LRMDA: variants seen among roughly 807,000 people sequenced by gnomAD.
LRMDA encodes leucine rich melanocyte differentiation associated.
LRMDA carries 18 observed loss-of-function variants against 29.8 expected under a neutral mutation model. The ratio of observed to expected loss-of-function variants is 0.60; its 90% CI spans 0.42 to 0.90. The LOEUF (loss-of-function observed/expected upper bound fraction) is 0.90. LRMDA is among the 40% of genes least tolerant of loss of function. The pLI is 0.00. For missense variants in LRMDA, 273 were observed against 273.9 expected, an observed-to-expected ratio of 1.00 and a Z score of 0.02; for synonymous variants, 125 against 109.4, an observed-to-expected ratio of 1.14 and a Z score of -0.89.
intron 2 of LRMDA, among the ~76,000 whole-genome samples, chr10:75,804,216 A>G (rs185274007): frequency 6.6e-6 from 1 of 152,338 alleles, no homozygotes; most frequent in East Asian, 1.9e-4. Context: ...TGGGTGTTAG[A>G]TGCTAAGAGT....
At chr10:75,993,255 C>G (rs1250114935) in intron 2 of LRMDA, among the ~76,000 whole-genome samples, 2 of 152,156 alleles carry the variant, frequency 1.3e-5, no homozygotes, top group African/African-American at 4.8e-5. Context: ...AAGGATTTCA[C>G]TTCTCCCCAA....
chr10:75,669,067 C>T (rs1175120610), intron 2 of LRMDA, among the ~76,000 whole-genome samples: 2 of 152,200 alleles, frequency 1.3e-5, no homozygotes, highest in Admixed American at 6.5e-5. Context: ...TGATACATGG[C>T]AAGTTGTCAG....
chr10:76,310,117 C>T (rs551487921), intron 5 of LRMDA, among the ~76,000 whole-genome samples: 2 of 152,262 alleles, frequency 1.3e-5, no homozygotes, highest in African/African-American at 4.8e-5. Flanking sequence ...TGCACAGTTA[C>T]ACCTTATCTA....
chr10:76,177,974 C>T (rs1477530155), intron 5 of LRMDA, among the ~76,000 whole-genome samples: 1 of 152,222 alleles, frequency 6.6e-6, no homozygotes, highest in African/African-American at 2.4e-5. Context: ...TTTGCTCCCC[C>T]ATGCTGCTTA....
chr10:76,120,160 A>G (rs1589336025), intron 5 of LRMDA, among the ~76,000 whole-genome samples: 2 of 148,604 alleles, frequency 1.3e-5, no homozygotes, highest in Non-Finnish European at 3.0e-5. Context: ...CCATTTGTAC[A>G]TTGGTGACAT....
chr10:76,036,638 TGTG>T (rs1464176552), intron 3 of LRMDA, among the ~76,000 whole-genome samples: 2 of 152,126 alleles, frequency 1.3e-5, no homozygotes, highest in African/African-American at 4.8e-5. Flanking sequence ...GGCAGAGACA[TGTG>T]AAGCCCAGGC....
At chr10:75,646,053 C>A (rs1176942676) in intron 2 of LRMDA, among the ~76,000 whole-genome samples, 1 of 151,314 alleles carries the variant, frequency 6.6e-6, no homozygotes, top group Non-Finnish European at 1.5e-5. Flanking sequence ...CACCTCCATC[C>A]TCACCCCCAT....
chr10:75,928,467 A>T (rs1403324621), intron 2 of LRMDA, among the ~76,000 whole-genome samples: 1 of 152,062 alleles, frequency 6.6e-6, no homozygotes, highest in African/African-American at 2.4e-5. Context: ...TTTGGCAACC[A>T]CGCTTCTTCC....
At chr10:76,439,359 T>G (rs1177350455) in intron 6 of LRMDA, among the ~76,000 whole-genome samples, 1 of 152,168 alleles carries the variant, frequency 6.6e-6, no homozygotes, top group East Asian at 1.9e-4. Flanking sequence ...TTGCCATTAG[T>G]TTTGCTAATT....
chr10:75,787,763 C>T (rs1490950087), intron 2 of LRMDA, among the ~76,000 whole-genome samples: 1 of 152,238 alleles, frequency 6.6e-6, no homozygotes, highest in Non-Finnish European at 1.5e-5. Flanking sequence ...GGCGAGGTGG[C>T]TTGCGCCTGT....
chr10:75,847,776 A>AATCAAAG (rs1844665815), intron 2 of LRMDA, among the ~76,000 whole-genome samples: 1 of 152,198 alleles, frequency 6.6e-6, no homozygotes, highest in Non-Finnish European at 1.5e-5. Context: ...ATAAGGGGAA[A>AATCAAAG]ATCAAAGAAG....
chr10:75,687,234 A>G (rs777336511), intron 2 of LRMDA, among the ~76,000 whole-genome samples: 10 of 152,260 alleles, frequency 6.6e-5, no homozygotes, highest in Non-Finnish European at 1.5e-4. Flanking sequence ...AAAAGCCAAG[A>G]CAGTCCAACA....
intron 6 of LRMDA, among the ~76,000 whole-genome samples, chr10:76,510,277 G>A (rs758817077): frequency 2.0e-5 from 3 of 152,094 alleles, no homozygotes; most frequent in Non-Finnish European, 4.4e-5. Flanking sequence ...CACCAAGTTA[G>A]CCAGGCTGTT....
In LRMDA at chr10:76,559,457, C is replaced by T. The variant is rs1021801315; in HGVS notation, c.*2169C>T. ...ATTATAAATTACCTAAAGGCCATCA[C>T]TAAGGTATATTCATCTTATTGATAG... On this transcript the variant is annotated 3_prime_UTR_variant, in exon 7 of 7. Transcript: ENST00000611255. 2 of 152,180 alleles carry T rather than the reference C, an allele frequency of 1.3e-5. No individual in the cohort carries two copies. Among genetic ancestry groups the T allele is most frequent in the East Asian group, 1.9e-4 (1 of 5,192 alleles). The allele number at this position is 152,180 out of a possible 1,614,324, so 9.4% of individuals were successfully genotyped here.
chr10:76,156,850 T>C (rs12415708), intron 5 of LRMDA, among the ~76,000 whole-genome samples: 22,784 of 152,174 alleles, frequency 0.15, 1,928 homozygotes, highest in East Asian at 0.24. Context: ...ACATTCTTTC[T>C]CCTGTAGAGG....
chr10:75,670,549 G>C (rs186209545), intron 2 of LRMDA, among the ~76,000 whole-genome samples: 33 of 152,304 alleles, frequency 2.2e-4, no homozygotes, highest in African/African-American at 7.2e-4. Context: ...GTGAGGAGCT[G>C]GCTTTTCCCA....
At chr10:76,223,883 C>T (rs11593862) in intron 5 of LRMDA, among the ~76,000 whole-genome samples, 259 of 152,296 alleles carry the variant, frequency 1.7e-3, no homozygotes, top group Non-Finnish European at 3.0e-3. Context: ...TCTTTCACTT[C>T]CTCTTTGGGA....
At chr10:75,479,521 A>G (rs1844834371) in intron 2 of LRMDA, among the ~76,000 whole-genome samples, 1 of 152,036 alleles carries the variant, frequency 6.6e-6, no homozygotes, top group African/African-American at 2.4e-5. Context: ...AAAAAAAAAA[A>G]AAGTACACGC....
At chr10:76,391,363 A>G (rs553860396) in intron 6 of LRMDA, among the ~76,000 whole-genome samples, 4 of 152,298 alleles carry the variant, frequency 2.6e-5, no homozygotes, top group African/African-American at 9.6e-5. Flanking sequence ...GATGAGGCTT[A>G]TTTTGGTTTT....
Sources: allele counts gnomAD v4.1 joint callset (sites outside exome capture counted in the v4.1 genomes callset), GRCh38; gene constraint gnomAD v4.1.1; transcripts MANE v1.5; gene names NCBI Gene and HGNC (gene_info 2026-07-23, HGNC 2026-07-21).